The following LRRC70 variants were observed in gnomAD, a reference collection of about 807,000 sequenced individuals.
The protein encoded by LRRC70 is leucine-rich repeat-containing protein 70.
LRRC70 carries 31 observed loss-of-function variants against 42.4 expected under a neutral mutation model. That is an observed-to-expected ratio of 0.73 (90% CI 0.55 to 0.99). The LOEUF (loss-of-function observed/expected upper bound fraction) is 0.99. LRRC70 is among the 50% of genes least tolerant of loss of function. The pLI, the probability that LRRC70 is intolerant of heterozygous loss-of-function variation, is 0.00. For synonymous variants in LRRC70, 270 were observed against 262.9 expected (o/e 1.03, Z -0.26); for missense variants, 643 against 707.5 (o/e 0.91, Z 1.03).
rs1744549477 is a variant in LRRC70, at chr5:62,581,259, T to A, written c.1821T>A (p.Val607=). The change falls in exon 2 of 2, where the codon GTT becomes GTA. Residue 607 remains valine (V), a synonymous_variant. Coordinates refer to ENST00000334994, the MANE Select transcript of LRRC70 (RefSeq NM_181506.5). ...AGATTCGACTTCATAAACAAATTGT[T>A]CCTGAAAATGAGGCACAGGTCATTC... ...LEQIRLHKQI[V]PENEAQVILF... 1 of 1,538,476 alleles carries A rather than the reference T, an allele frequency of 6.5e-7. No individual in the cohort carries two copies. The highest frequency in any genetic ancestry group is 1.2e-5 in the South Asian group (1 of 80,450).
Position 62,580,272 on chromosome 5 carries a change from T to C in LRRC70, c.834T>C (p.Leu278=), listed in dbSNP as rs1399544945. ...ATGGGTTTAGTGGAATTAATAATCTTAAACATTTGATCTTAAGTCATAATG... is the reference window on the plus strand; with the variant it reads ...ATGGGTTTAGTGGAATTAATAATCTCAAACATTTGATCTTAAGTCATAATG... The part of the protein sequence containing the change: ...TRDGFSGINN[L]KHLILSHNDL... Residue 278 remains leucine, a synonymous_variant, in exon 2 of 2, where the codon CTT becomes CTC. Transcript: ENST00000334994. The C allele has an allele frequency of 1.9e-6, 3 of 1,540,816 alleles. No individual in the cohort carries two copies. Among genetic ancestry groups the C allele is most frequent in the Non-Finnish European group, 2.6e-6 (3 of 1,137,456 alleles).
In LRRC70 at chr5:62,580,221, TTCAAG is replaced by T; in HGVS notation, c.784_788del (p.Ser262AsnfsTer2). The T allele has an allele frequency of 6.4e-7, 1 of 1,550,846 alleles. No individual in the cohort carries two copies. Among genetic ancestry groups the T allele is most frequent in the East Asian group, 2.4e-5 (1 of 40,882 alleles). Reference sequence around the variant, plus strand: ...ATCTGGAATACCTCCTCCTGAAAAATTCAAGAATTAGGAATGTTACTAGGGATGGG... The same window carrying T: ...ATCTGGAATACCTCCTCCTGAAAAATAATTAGGAATGTTACTAGGGATGGG... On this transcript the variant is annotated frameshift_variant, in exon 2 of 2. Transcript: ENST00000334994. LOFTEE classifies it high-confidence loss of function.
At position 62,580,107 on chromosome 5, in the gene LRRC70, C is replaced by T; in HGVS notation, c.669C>T (p.Ala223=). 1 of 1,550,898 alleles carries T rather than the reference C, an allele frequency of 6.4e-7. No individual in the cohort carries two copies. The highest frequency in any genetic ancestry group is 2.4e-5 in the East Asian group (1 of 40,876). The change falls in exon 2 of 2, where the codon GCC becomes GCT. Residue 223 remains alanine, a synonymous_variant. Coordinates refer to ENST00000334994, the MANE Select transcript of LRRC70 (RefSeq NM_181506.5). The part of the protein sequence containing the change: ...SNNLTKVPSN[A]FEVLKSLRRL... ...ATTTAACAAAAGTACCATCAAATGCCTTTGAAGTACTTAAAAGTCTTAGAA... is the reference window on the plus strand; with the variant it reads ...ATTTAACAAAAGTACCATCAAATGCTTTTGAAGTACTTAAAAGTCTTAGAA...
In LRRC70 at chr5:62,581,036, C is replaced by CT. The variant is rs1390378848; in HGVS notation, c.1604dup (p.Ile536HisfsTer18). ...AATGAGGCTTTTGACATTTTGCTAG[C>CT]TTTTTTCATCTTAGCTTGTGTTTTA... On this transcript the variant is annotated frameshift_variant, in exon 2 of 2. Transcript: ENST00000334994. LOFTEE classifies it high-confidence loss of function. The CT allele has an allele frequency of 7.1e-6, 11 of 1,550,790 alleles. No homozygotes were observed. The highest frequency in any genetic ancestry group is 6.1e-6 in the Non-Finnish European group (7 of 1,146,778).
Position 62,579,541 on chromosome 5 carries a change from G to C in LRRC70, c.103G>C (p.Val35Leu), listed in dbSNP as rs905867110. Reference sequence around the variant, plus strand: ...CAAAGAAATACTTGGATGTTCGTCTGTTTGTCAGCTCTGCACTGGGAGACA... The same window carrying C: ...CAAAGAAATACTTGGATGTTCGTCTCTTTGTCAGCTCTGCACTGGGAGACA... ...LHKEILGCSS[V>L]CQLCTGRQIN... Residue 35 changes from valine to leucine, a missense_variant, in exon 2 of 2, where the codon GTT (valine) becomes CTT (leucine). By Grantham distance (32) the Val-to-Leu change is conservative (BLOSUM62 1). Transcript: ENST00000334994. The C allele has an allele frequency of 1.9e-6, 3 of 1,550,982 alleles. No homozygotes were observed. Among genetic ancestry groups the C allele is most frequent in the African/African-American group, 2.7e-5 (2 of 73,004 alleles).
Position 62,579,985 on chromosome 5 carries a change from C to A in LRRC70, c.547C>A (p.Arg183=). 1 of 1,551,160 alleles carries A rather than the reference C, an allele frequency of 6.4e-7. No homozygotes were observed. The highest frequency in any genetic ancestry group is 1.2e-5 in the South Asian group (1 of 84,040). ...TACCTTTGTTGGTATGGTTGCTCTT[C>A]GGATACTTGATTTATCAAACAATAA... ...SGTFVGMVAL[R]ILDLSNNNIL... Residue 183 remains arginine, a synonymous_variant, in exon 2 of 2, where the codon CGG becomes AGG. Coordinates refer to ENST00000334994, the MANE Select transcript of LRRC70 (RefSeq NM_181506.5).
chr5:62,579,970 G>C lies in LRRC70; in HGVS notation c.532G>C (p.Gly178Arg). 6.4e-7 allele frequency: 1 copy of C among 1,551,110 alleles called. No individual in the cohort carries two copies. The highest frequency in any genetic ancestry group is 8.7e-7 in the Non-Finnish European group (1 of 1,146,712). ...TGTCCTTGGGAGTGGTACCTTTGTTGGTATGGTTGCTCTTCGGATACTTGA... is the reference window on the plus strand; with the variant it reads ...TGTCCTTGGGAGTGGTACCTTTGTTCGTATGGTTGCTCTTCGGATACTTGA... The part of the protein sequence containing the change: ...LTVLGSGTFV[G>R]MVALRILDLS... Residue 178 changes from glycine (G) to arginine (R), a missense_variant, in exon 2 of 2, where the codon GGT becomes CGT. By Grantham distance (125) the Gly-to-Arg change is moderately radical. Coordinates refer to ENST00000334994, the MANE Select transcript of LRRC70 (RefSeq NM_181506.5).
Position 62,580,995 on chromosome 5 carries a change from A to G in LRRC70, c.1557A>G (p.Gln519=), listed in dbSNP as rs552670331. The G allele has an allele frequency of 4.7e-5, 73 of 1,551,166 alleles. No homozygotes were observed. The East Asian group carries it at 1.8e-3, about 37-fold the overall frequency. The change falls in exon 2 of 2, where the codon CAA becomes CAG. Residue 519 remains glutamine (Q), a synonymous_variant. Transcript: ENST00000334994. ...GGAAAACATCTCTAATTTGTACACA[A>G]GAAGTTGAGAAGTTGAATGAGGCTT... ...MSGKTSLICT[Q]EVEKLNEAFD...
At position 62,580,001 on chromosome 5, in the gene LRRC70, C is replaced by A; in HGVS notation, c.563C>A (p.Ser188Ter). 6.4e-7 allele frequency: 1 copy of A among 1,551,190 alleles called. No homozygotes were observed. The highest frequency in any genetic ancestry group is 1.4e-5 in the African/African-American group (1 of 73,094). The part of the protein sequence containing the change: ...GMVALRILDL[S>*]NNNILRISES... Reference sequence around the variant, plus strand: ...GTTGCTCTTCGGATACTTGATTTATCAAACAATAACATTTTGAGGATATCA... The same window carrying A: ...GTTGCTCTTCGGATACTTGATTTATAAAACAATAACATTTTGAGGATATCA... Residue 188 changes from serine (S) to a stop codon, truncating the protein, a stop_gained, in exon 2 of 2, where the codon TCA (serine) becomes TAA (stop). Coordinates refer to ENST00000334994, the MANE Select transcript of LRRC70 (RefSeq NM_181506.5). LOFTEE classifies it high-confidence loss of function.
At position 62,579,993 on chromosome 5, in the gene LRRC70, T is replaced by TG; in HGVS notation, c.556dup (p.Asp186GlyfsTer6). On this transcript the variant is annotated frameshift_variant, in exon 2 of 2. Transcript: ENST00000334994. LOFTEE classifies it high-confidence loss of function. ...TTGGTATGGTTGCTCTTCGGATACT[T>TG]GATTTATCAAACAATAACATTTTGA... 3.2e-6 allele frequency: 5 copies of TG among 1,551,292 alleles called. No individual in the cohort carries two copies. The highest frequency in any genetic ancestry group is 4.4e-6 in the Non-Finnish European group (5 of 1,146,748).
Position 62,578,821 on chromosome 5 carries a change from G to A in LRRC70, c.-153G>A. 1 of 422,272 alleles carries A rather than the reference G, an allele frequency of 2.4e-6. No homozygotes were observed. The highest frequency in any genetic ancestry group is 4.7e-6 in the Non-Finnish European group (1 of 211,180). The allele number at this position is 422,272 out of a possible 1,614,324, so 26.2% of individuals were successfully genotyped here. On this transcript the variant is annotated 5_prime_UTR_variant, in exon 1 of 2. Coordinates refer to ENST00000334994, the MANE Select transcript of LRRC70 (RefSeq NM_181506.5). Reference sequence around the variant, plus strand: ...AAAAAAAAAAAAAAAGTGGTGGGGTGGAGGTCAGCAGTGCCACAGAACAAA... The same window carrying A: ...AAAAAAAAAAAAAAAGTGGTGGGGTAGAGGTCAGCAGTGCCACAGAACAAA...
intron 1 of LRRC70, 51 bp from the exon 2 acceptor site, chr5:62,579,345 AAAAAT>A: frequency 8.8e-7 from 1 of 1,140,018 alleles, no homozygotes; most frequent in South Asian, 1.3e-5. Flanking sequence ...GTATTATAAA[AAAAAT>A]TCATTTGATG....
chr5:62,580,910 C>G lies in LRRC70; in HGVS notation c.1472C>G (p.Ser491Cys), dbSNP rs1744530338. The G allele has an allele frequency of 3.2e-6, 5 of 1,551,336 alleles. No homozygotes were observed. The highest frequency in any genetic ancestry group is 4.4e-6 in the Non-Finnish European group (5 of 1,146,826). ...VLPVQIQLTT[S>C]VTLNLEKNSA... ...CCTGTGCAAATACAACTTACTACTT[C>G]TGTTACCTTGAACTTGGAAAAAAAC... Residue 491 changes from serine to cysteine, a missense_variant, in exon 2 of 2, where the codon TCT becomes TGT. Ser to Cys is a moderately radical substitution (Grantham distance 112). Coordinates refer to ENST00000334994, the MANE Select transcript of LRRC70 (RefSeq NM_181506.5).
Position 62,580,939 on chromosome 5 carries a change from G to C in LRRC70, c.1501G>C (p.Ala501Pro), listed in dbSNP as rs778812439. The C allele has an allele frequency of 6.4e-7, 1 of 1,551,188 alleles. No individual in the cohort carries two copies. Among genetic ancestry groups the C allele is most frequent in the African/African-American group, 1.4e-5 (1 of 73,020 alleles). ...SVTLNLEKNS[A>P]LPNDAASMSG... ...TACCTTGAACTTGGAAAAAAACAGT[G>C]CTCTACCGAATGATGCTGCTTCAAT... The change falls in exon 2 of 2, where the codon GCT (alanine) becomes CCT (proline). Residue 501 changes from alanine to proline, a missense_variant. By Grantham distance (27) the Ala-to-Pro change is conservative. Coordinates refer to ENST00000334994, the MANE Select transcript of LRRC70 (RefSeq NM_181506.5).
rs1301510014 is a variant in LRRC70, at chr5:62,579,761, G to A, written c.323G>A (p.Arg108Lys). 17 of 1,544,404 alleles carry A rather than the reference G, an allele frequency of 1.1e-5. No homozygotes were observed. Among genetic ancestry groups the A allele is most frequent in the Non-Finnish European group, 1.5e-5 (17 of 1,142,412 alleles). Residue 108 changes from arginine (R) to lysine (K), a missense_variant, in exon 2 of 2, where the codon AGG (arginine) becomes AAG (lysine). Physicochemically the swap from Arg to Lys is conservative, Grantham distance 26 (BLOSUM62 2). Coordinates refer to ENST00000334994, the MANE Select transcript of LRRC70 (RefSeq NM_181506.5). ...YVYPKAFVQLRHLYFLFLNNN... is the reference protein window; with the variant it reads ...YVYPKAFVQLKHLYFLFLNNN... ...TATCCAAAAGCCTTTGTTCAATTGA[G>A]GCATCTATATTTTCTATTTCTAAAT...
chr5:62,579,452 A>C lies in LRRC70; in HGVS notation c.14A>C (p.Gln5Pro), dbSNP rs1265529803. The change falls in exon 2 of 2, where the codon CAG becomes CCG. Residue 5 changes from glutamine (Q) to proline (P), a missense_variant. Physicochemically the swap from Gln to Pro is moderately conservative, Grantham distance 76. Transcript: ENST00000334994. Reference sequence around the variant, plus strand: ...AAGAACAGGGATATGTGTGGATTACAGTTTTCTCTGCCTTGCCTACGACTG... The same window carrying C: ...AAGAACAGGGATATGTGTGGATTACCGTTTTCTCTGCCTTGCCTACGACTG... MCGL[Q>P]FSLPCLRLFL... 6.4e-7 allele frequency: 1 copy of C among 1,550,698 alleles called. No individual in the cohort carries two copies. The highest frequency in any genetic ancestry group is 8.7e-7 in the Non-Finnish European group (1 of 1,146,364).
chr5:62,580,845 G>A lies in LRRC70; in HGVS notation c.1407G>A (p.Glu469=). Residue 469 remains glutamate (E), a synonymous_variant, in exon 2 of 2, where the codon GAG becomes GAA. Transcript: ENST00000334994. ...CACCTGCTGGTAGATTTTTTCAAGA[G>A]AATGCCTTTGGTAATCCATTAGAGA... ...PTSPAGRFFQ[E]NAFGNPLETT... The A allele has an allele frequency of 7.1e-6, 11 of 1,551,354 alleles. No homozygotes were observed. Among genetic ancestry groups the A allele is most frequent in the Non-Finnish European group, 9.6e-6 (11 of 1,146,842 alleles).
rs780798979 is a variant in LRRC70 at position 62,580,298 on chromosome 5, A to G, written c.860A>G (p.Asp287Gly). 1 of 1,537,728 alleles carries G rather than the reference A, an allele frequency of 6.5e-7. No homozygotes were observed. ...NLKHLILSHN[D>G]LENLNSDTFS... ...AAACATTTGATCTTAAGTCATAATG[A>G]TTTAGAGAATTTAAATTCTGACACA... is the stretch of plus-strand genomic sequence containing the variant. Residue 287 changes from aspartate to glycine, a missense_variant, in exon 2 of 2, where the codon GAT becomes GGT. Asp to Gly is a moderately conservative substitution (Grantham distance 94, BLOSUM62 -1). Coordinates refer to ENST00000334994, the MANE Select transcript of LRRC70 (RefSeq NM_181506.5).
rs1744528703 is a variant in LRRC70, at chr5:62,580,883, T to TA, written c.1446dup (p.Pro483ThrfsTer23). 5 of 1,551,280 alleles carry TA rather than the reference T, an allele frequency of 3.2e-6. No individual in the cohort carries two copies. The highest frequency in any genetic ancestry group is 1.4e-5 in the African/African-American group (1 of 73,012). On this transcript the variant is annotated frameshift_variant, in exon 2 of 2. Coordinates refer to ENST00000334994, the MANE Select transcript of LRRC70 (RefSeq NM_181506.5). LOFTEE classifies it high-confidence loss of function. ...AATCCATTAGAGACTACAGCAGTGTTACCTGTGCAAATACAACTTACTACT... is the reference window on the plus strand; with the variant it reads ...AATCCATTAGAGACTACAGCAGTGTTAACCTGTGCAAATACAACTTACTACT...
Sources: gnomAD v4.1 joint callset for allele counts on GRCh38, gnomAD v4.1.1 for gene constraint, MANE v1.5 for transcripts, NCBI Gene and HGNC (gene_info 2026-07-23, HGNC 2026-07-21) for gene names.